PRKN: variants seen among roughly 807,000 people sequenced by gnomAD.
PRKN encodes the protein E3 ubiquitin-protein ligase parkin.
Under a neutral mutation model 59.5 loss-of-function variants are expected in PRKN, and 56 were observed. The observed-to-expected ratio is 0.94, with a 90% CI of 0.76 to 1.18. The LOEUF is 1.18. Ranked by LOEUF, PRKN falls within the 50% of genes most tolerant of loss-of-function variation. The pLI is 0.00. For synonymous variants in PRKN, 250 were observed against 222.1 expected, an observed-to-expected ratio of 1.13 and a Z score of -1.12; for missense variants, 657 against 596.4, an observed-to-expected ratio of 1.10 and a Z score of -1.06.
rs552456327 is a variant in PRKN at position 161,866,809 on chromosome 6, G to GT, written c.735-80902dup. 3.8e-3 allele frequency among the ~76,000 whole-genome samples: 586 copies of GT among 152,326 alleles called. 3 individuals are homozygous for GT. Among genetic ancestry groups the GT allele is most frequent in the African/African-American group, 0.013 (541 of 41,568 alleles). On this transcript the variant is annotated intron_variant, in intron 6 of 11. Coordinates refer to ENST00000366898, the MANE Select transcript of PRKN (RefSeq NM_004562.3). ...GTGAGTAGGTGTGGGAGGATGTGGG[G>GT]TAAGGACAGGGAGGAGCTGGTGGAA...
intron 1 of PRKN, among the ~76,000 whole-genome samples, chr6:162,548,327 A>C (rs1047728390): frequency 6.7e-6 from 1 of 149,992 alleles, no homozygotes; most frequent in Non-Finnish European, 1.5e-5. Flanking sequence ...AAAGCGCTGA[A>C]ATTACAGGCG....
intron 7 of PRKN, among the ~76,000 whole-genome samples, chr6:161,591,614 T>C (rs1310425579): frequency 1.3e-5 from 2 of 152,242 alleles, no homozygotes; most frequent in Admixed American, 1.3e-4. Flanking sequence ...ATCAAGTCAG[T>C]GCAGTCTAAA....
At chr6:162,649,817 G>A (rs151097096) in intron 1 of PRKN, among the ~76,000 whole-genome samples, 2 of 152,304 alleles carry the variant, frequency 1.3e-5, no homozygotes, top group African/African-American at 2.4e-5. Context: ...TGATTAAGCC[G>A]AGCAGGGCTG....
intron 6 of PRKN, among the ~76,000 whole-genome samples, chr6:161,900,600 A>G (rs1242945362): frequency 3.1e-5 from 3 of 95,328 alleles, no homozygotes; most frequent in South Asian, 7.4e-4. Context: ...AATATATTAT[A>G]TATTAATATA....
chr6:162,179,107 T>C (rs1280973864), intron 4 of PRKN, among the ~76,000 whole-genome samples: 1 of 152,174 alleles, frequency 6.6e-6, no homozygotes, highest in African/African-American at 2.4e-5. Flanking sequence ...CTCAAACTTC[T>C]GGCTTCAAGC....
chr6:161,597,425 A>C (rs1781954155), intron 7 of PRKN, among the ~76,000 whole-genome samples: 2 of 152,222 alleles, frequency 1.3e-5, no homozygotes, highest in Admixed American at 1.3e-4. Context: ...AGAATGACCG[A>C]ATGGTGAACA....
At chr6:162,149,849 A>G (rs1782189381) in intron 4 of PRKN, among the ~76,000 whole-genome samples, 1 of 152,186 alleles carries the variant, frequency 6.6e-6, no homozygotes, top group African/African-American at 2.4e-5. Flanking sequence ...AGGAAATGAT[A>G]CTGATGAAGC....
At chr6:162,268,491 T>C (rs1780232407) in intron 2 of PRKN, among the ~76,000 whole-genome samples, 1 of 152,212 alleles carries the variant, frequency 6.6e-6, no homozygotes, top group Non-Finnish European at 1.5e-5. Context: ...TCAGGTATTT[T>C]GTTATAGCAA....
Position 162,326,052 on chromosome 6 carries a change from GAT to G in PRKN, c.172-63289_172-63288del, listed in dbSNP as rs558799021. On this transcript the variant is annotated intron_variant, in intron 2 of 11. Coordinates refer to ENST00000366898, the MANE Select transcript of PRKN (RefSeq NM_004562.3). ...AGGAGTCCAAATTCCTTTACTGCAG[GAT>G]GAATAACTTGTAAAATCCTAACATT... is the stretch of plus-strand genomic sequence containing the variant. Among the ~76,000 whole-genome samples the G allele has an allele frequency of 3.7e-3, 561 of 152,160 alleles. 2 individuals are homozygous for G. The highest frequency in any genetic ancestry group is 0.013 in the African/African-American group (541 of 41,490).
chr6:162,157,582 G>A (rs1435642828), intron 4 of PRKN, among the ~76,000 whole-genome samples: 1 of 150,782 alleles, frequency 6.6e-6, no homozygotes, highest in Non-Finnish European at 1.5e-5. Flanking sequence ...GCACTCTAAA[G>A]GAAATGCAAT....
chr6:162,382,274 A>C (rs957815874), intron 2 of PRKN, among the ~76,000 whole-genome samples: 3 of 152,152 alleles, frequency 2.0e-5, no homozygotes, highest in African/African-American at 7.2e-5. Context: ...TTAACTAGAA[A>C]TGGAAATCCA....
chr6:162,530,401 T>C (rs767545623), intron 1 of PRKN, among the ~76,000 whole-genome samples: 12 of 152,142 alleles, frequency 7.9e-5, no homozygotes, highest in South Asian at 2.1e-4. Flanking sequence ...CAAAGCCACA[T>C]TGAAATTAAA....
chr6:162,122,594 T>C (rs1780959067), intron 4 of PRKN, among the ~76,000 whole-genome samples: 1 of 152,108 alleles, frequency 6.6e-6, no homozygotes, highest in African/African-American at 2.4e-5. Context: ...TGTCTGTTGA[T>C]TTTTCTCATA....
intron 9 of PRKN, among the ~76,000 whole-genome samples, chr6:161,443,029 C>T (rs574789544): frequency 3.3e-5 from 5 of 152,144 alleles, no homozygotes; most frequent in South Asian, 2.1e-4. Context: ...GGAGCGAGGC[C>T]GGGCGCGGTG....
At chr6:161,846,233 T>TC in intron 6 of PRKN, among the ~76,000 whole-genome samples, 1 of 152,256 alleles carries the variant, frequency 6.6e-6, no homozygotes, top group East Asian at 1.9e-4. Flanking sequence ...TGTCTCACAC[T>TC]CCCTTTCATT....
intron 1 of PRKN, among the ~76,000 whole-genome samples, chr6:162,454,136 G>C (rs775888361): frequency 2.7e-4 from 41 of 152,202 alleles, no homozygotes; most frequent in Non-Finnish European, 5.0e-4. Flanking sequence ...ATTTAGAAGA[G>C]TGCCTAGGCA....
rs138266320 is a variant in PRKN, at chr6:162,383,144, T to C, written c.171+60166A>G. On this transcript the variant is annotated intron_variant, in intron 2 of 11. Coordinates refer to ENST00000366898, the MANE Select transcript of PRKN (RefSeq NM_004562.3). Reference sequence around the variant, plus strand: ...TCTTCCAAACTCATGTTAATGTTAATATTTTGACCTCTTCCCATGAATCAC... The same window carrying C: ...TCTTCCAAACTCATGTTAATGTTAACATTTTGACCTCTTCCCATGAATCAC... Among the ~76,000 whole-genome samples the C allele has an allele frequency of 2.2e-3, 335 of 152,302 alleles. 1 individual carries two copies. The highest frequency in any genetic ancestry group is 3.9e-3 in the Non-Finnish European group (262 of 68,024).
chr6:161,885,404 C>CAT (rs1795098358), intron 6 of PRKN, among the ~76,000 whole-genome samples: 4 of 152,208 alleles, frequency 2.6e-5, no homozygotes, highest in African/African-American at 7.2e-5. Flanking sequence ...GGTGGCTCAG[C>CAT]CTGTAATCCC....
intron 2 of PRKN, among the ~76,000 whole-genome samples, chr6:162,339,125 C>T (rs1208469741): frequency 4.9e-5 from 7 of 143,442 alleles, no homozygotes; most frequent in East Asian, 2.2e-4. Context: ...GTGAGGAGCC[C>T]CTCCGCCCGG....
Sources: gnomAD v4.1 joint callset for allele counts (sites outside exome capture counted in the v4.1 genomes callset) on GRCh38, gnomAD v4.1.1 for gene constraint, MANE v1.5 for transcripts, NCBI Gene and HGNC (gene_info 2026-07-23, HGNC 2026-07-21) for gene names.